The following ETV1 variants were observed in gnomAD, a reference collection of about 807,000 sequenced individuals.
The protein encoded by ETV1 is ETS variant transcription factor 1.
A neutral mutation model predicts 62.3 loss-of-function variants in ETV1; 27 were observed. That is an observed-to-expected ratio of 0.43 (90% CI 0.32 to 0.60). The LOEUF (loss-of-function observed/expected upper bound fraction) is 0.60, where lower values mean the gene tolerates loss of function less well. ETV1 is among the 20% of genes least tolerant of loss of function. The pLI is 0.06. For missense variants in ETV1, 605 were observed against 605.8 expected (o/e 1.00, Z 0.01); for synonymous variants, 222 against 199.6 (o/e 1.11, Z -0.94).
chr7:13,917,609 G>T (rs1042400886), intron 9 of ETV1, among the ~76,000 whole-genome samples: 1 of 150,162 alleles, frequency 6.7e-6, no homozygotes, highest in Non-Finnish European at 1.5e-5. Flanking sequence ...GAGCCACCGC[G>T]CCTGACCAAC....
chr7:13,932,050 A>ACC (rs1243311325), intron 8 of ETV1, among the ~76,000 whole-genome samples: 5 of 151,552 alleles, frequency 3.3e-5, no homozygotes, highest in Non-Finnish European at 4.4e-5. Flanking sequence ...ACACCCACAC[A>ACC]CACACACACA....
At chr7:13,915,552 A>G (rs1017271702) in intron 9 of ETV1, among the ~76,000 whole-genome samples, 9 of 152,152 alleles carry the variant, frequency 5.9e-5, no homozygotes, top group African/African-American at 1.9e-4. Flanking sequence ...ATTTGCTGGT[A>G]AGCTCATAGT....
At position 13,947,294 on chromosome 7, in the gene ETV1, AAAGAT is replaced by A. The variant is rs138741775; in HGVS notation, c.236-8053_236-8049del. Among the ~76,000 whole-genome samples the A allele has an allele frequency of 1.5e-3, 234 of 152,206 alleles. 3 individuals are homozygous for A. In the East Asian group the frequency reaches 0.03, roughly 20 times the overall value. ...ATGGATGATGTCTTGTAAATTAAAC[AAAGAT>A]AATATGTTTAAGTGTTGACTTAACA... On this transcript the variant is annotated intron_variant, in intron 6 of 13. Transcript: ENST00000430479.
intron 10 of ETV1, among the ~76,000 whole-genome samples, chr7:13,910,767 T>G (rs1783481708): frequency 6.6e-6 from 1 of 152,216 alleles, no homozygotes; most frequent in South Asian, 2.1e-4. Context: ...ATGAGAAAAC[T>G]CTTTCTCTAG....
chr7:13,961,512 A>AT (rs35997691), intron 6 of ETV1, among the ~76,000 whole-genome samples: 1 of 152,026 alleles, frequency 6.6e-6, no homozygotes, highest in African/African-American at 2.4e-5. Context: ...AAGTAGTGAA[A>AT]TTTTTTCTTC....
At chr7:13,920,151 C>T (rs1338089510) in intron 9 of ETV1, among the ~76,000 whole-genome samples, 2 of 152,132 alleles carry the variant, frequency 1.3e-5, no homozygotes, top group Admixed American at 1.3e-4. Flanking sequence ...CCATCCCTTC[C>T]CCCTTTCCTG....
rs1400763020 is a variant in ETV1, at chr7:13,893,240, A to G, written c.*2626T>C. Reference sequence around the variant, plus strand: ...AATGATTTCTATGTTTGAGTAGCCAATTCAATGAGAAATTCAAAACACAAG... The same window carrying G: ...AATGATTTCTATGTTTGAGTAGCCAGTTCAATGAGAAATTCAAAACACAAG... On this transcript the variant is annotated 3_prime_UTR_variant, in exon 14 of 14. Coordinates refer to ENST00000430479, the MANE Select transcript of ETV1 (RefSeq NM_004956.5). 4.3e-6 allele frequency: 1 copy of G among 232,366 alleles called. No homozygotes were observed. Among genetic ancestry groups the G allele is most frequent in the Non-Finnish European group, 8.5e-6 (1 of 117,624 alleles). 14.4% of individuals were successfully genotyped at this position (232,366 alleles called of 1,614,324 possible).
At chr7:13,931,392 T>C (rs934515674) in intron 9 of ETV1, 110 bp downstream of exon 9, 2 of 1,166,552 alleles carry the variant, frequency 1.7e-6, no homozygotes, top group Non-Finnish European at 1.2e-6. Context: ...ATCTGAAAGA[T>C]CTTATTAAAA....
intron 6 of ETV1, among the ~76,000 whole-genome samples, chr7:13,968,379 T>A (rs148842088): frequency 1.0e-3 from 152 of 151,978 alleles, no homozygotes; most frequent in African/African-American, 3.6e-3. Context: ...TTGGTTTTCA[T>A]CTGGGCGGTA....
At chr7:13,915,346 G>C (rs1784033917) in intron 9 of ETV1, among the ~76,000 whole-genome samples, 1 of 152,134 alleles carries the variant, frequency 6.6e-6, no homozygotes, top group African/African-American at 2.4e-5. Context: ...AAAAATGTGT[G>C]TATCAATGCA....
At position 13,913,912 on chromosome 7, in the gene ETV1, T is replaced by A. The variant is rs531593786; in HGVS notation, c.803-2605A>T. ...TTTTTTTTTTTTTTTTGAGACAGAG[T>A]CTCGCTCTGTCGCCCAGGCTGGAGT... On this transcript the variant is annotated intron_variant, in intron 9 of 13. Transcript: ENST00000430479. Among the ~76,000 whole-genome samples, 351 of 124,280 alleles carry A rather than the reference T, an allele frequency of 2.8e-3. 5 individuals carry two copies. Among genetic ancestry groups the A allele is most frequent in the Non-Finnish European group, 5.1e-3 (314 of 62,094 alleles). 81.5% of individuals were successfully genotyped at this position (124,280 alleles called of 152,430 possible). A position where few individuals can be genotyped will look rare whatever the true frequency, so the allele number is the denominator to read the frequency against.
rs190559218 is a variant in ETV1 at position 13,986,054 on chromosome 7, T to A, written c.181+584A>T. 2,043 of 1,310,168 alleles carry A rather than the reference T, an allele frequency of 1.6e-3. 31 individuals are homozygous for A. The African/African-American group carries it at 0.027, about 17-fold the overall frequency. 81.2% of individuals were successfully genotyped at this position (1,310,168 alleles called of 1,614,324 possible). A position where few individuals can be genotyped will look rare whatever the true frequency, so the allele number is the denominator to read the frequency against. On this transcript the variant is annotated intron_variant, in intron 5 of 13. Coordinates refer to ENST00000430479, the MANE Select transcript of ETV1 (RefSeq NM_004956.5). ...AATAGTAACACATGGAAAACATTTT[T>A]AAAATCCTCATATCTCCCATTTATT...
intron 9 of ETV1, among the ~76,000 whole-genome samples, chr7:13,916,896 C>T (rs1784237103): frequency 6.7e-6 from 1 of 150,214 alleles, no homozygotes; most frequent in Admixed American, 6.6e-5. Flanking sequence ...CATACTACTG[C>T]ACTCCAACCT....
intron 3 of ETV1, 147 bp from the exon 4 acceptor site, chr7:13,988,320 A>G: frequency 3.3e-6 from 2 of 607,068 alleles, no homozygotes; most frequent in Non-Finnish European, 5.8e-6. Context: ...CCATAGTATC[A>G]ACTCTAATAT....
chr7:13,955,724 C>T (rs946883970), intron 6 of ETV1, among the ~76,000 whole-genome samples: 9 of 152,162 alleles, frequency 5.9e-5, no homozygotes, highest in Non-Finnish European at 8.8e-5. Context: ...ATGCACAGAT[C>T]ACATTTCCAT....
chr7:13,929,189 C>A (rs1785792180), intron 9 of ETV1, among the ~76,000 whole-genome samples: 2 of 152,042 alleles, frequency 1.3e-5, no homozygotes, highest in Admixed American at 1.3e-4. Flanking sequence ...TATAATAGAG[C>A]CCACTGTATT....
At chr7:13,932,428 T>C (rs761715347) in intron 8 of ETV1, among the ~76,000 whole-genome samples, 1 of 152,176 alleles carries the variant, frequency 6.6e-6, no homozygotes, top group Non-Finnish European at 1.5e-5. Context: ...TGGCTTCCAA[T>C]AGATTCAAAT....
chr7:13,963,690 A>T (rs1013374605), intron 6 of ETV1, among the ~76,000 whole-genome samples: 3 of 152,164 alleles, frequency 2.0e-5, no homozygotes, highest in African/African-American at 7.2e-5. Context: ...TAGCCTGCTT[A>T]TATGTACATT....
At chr7:13,981,544 T>C (rs73052242) in intron 5 of ETV1, among the ~76,000 whole-genome samples, 3,796 of 150,926 alleles carry the variant, frequency 0.025, 80 homozygotes, top group South Asian at 0.04. Flanking sequence ...TATATATATA[T>C]ACACACACAC....
Sources: allele counts gnomAD v4.1 joint callset (sites outside exome capture counted in the v4.1 genomes callset), GRCh38; gene constraint gnomAD v4.1.1; transcripts MANE v1.5; gene names NCBI Gene and HGNC (gene_info 2026-07-23, HGNC 2026-07-21).